PPP1R12B: variants seen among roughly 807,000 people sequenced by gnomAD.
PPP1R12B encodes the protein protein phosphatase 1 regulatory subunit 12B.
Under a neutral mutation model 126.1 loss-of-function variants are expected in PPP1R12B, and 76 were observed. The ratio of observed to expected loss-of-function variants is 0.60; its 90% CI spans 0.50 to 0.73. PPP1R12B has a LOEUF of 0.73. Ranked by LOEUF, PPP1R12B falls within the 30% of genes least tolerant of loss-of-function variation. The pLI is 0.00. For missense variants in PPP1R12B, 1,052 were observed against 1,205.1 expected (o/e 0.87, Z 1.88); for synonymous variants, 356 against 434.7 (o/e 0.82, Z 2.25).
intron 1 of PPP1R12B, among the ~76,000 whole-genome samples, chr1:202,356,914 C>T (rs1266341843): frequency 1.3e-5 from 2 of 151,834 alleles, no homozygotes; most frequent in Non-Finnish European, 1.5e-5. Flanking sequence ...CTCCGCTGCC[C>T]GGGATCAAGC....
rs1039606281 is a variant in PPP1R12B at position 202,580,913 on chromosome 1, C to G, written c.*353C>G. 5 of 241,786 alleles carry G rather than the reference C, an allele frequency of 2.1e-5. No homozygotes were observed. The highest frequency in any genetic ancestry group is 1.9e-4 in the Admixed American group (4 of 21,590). The allele number at this position is 241,786 out of a possible 1,614,324, so 15.0% of individuals were successfully genotyped here. A position where few individuals can be genotyped will look rare whatever the true frequency, so the allele number is the denominator to read the frequency against. On this transcript the variant is annotated 3_prime_UTR_variant, in exon 24 of 24. Transcript: ENST00000608999. ...TTGGATTTGGTCCAAACATGTAAGA[C>G]TTCTACCCTAATCAGTATCCTTCAG...
At chr1:202,371,024 G>C (rs1294514423) in intron 1 of PPP1R12B, among the ~76,000 whole-genome samples, 1 of 21,012 alleles carries the variant, frequency 4.8e-5, no homozygotes, top group Non-Finnish European at 1.0e-4. Flanking sequence ...TTTTTTTTTT[G>C]AGATAGAGTC....
At chr1:202,465,131 C>T (rs1378528062) in intron 13 of PPP1R12B, among the ~76,000 whole-genome samples, 1 of 152,162 alleles carries the variant, frequency 6.6e-6, no homozygotes, top group African/African-American at 2.4e-5. Context: ...ATATTCTTTT[C>T]TTAATTCACG....
At chr1:202,436,294 A>C (rs1368085534) in intron 9 of PPP1R12B, among the ~76,000 whole-genome samples, 3 of 151,742 alleles carry the variant, frequency 2.0e-5, no homozygotes, top group Non-Finnish European at 4.4e-5. Flanking sequence ...AACAACAACA[A>C]CACACACACA....
At chr1:202,407,454 T>C (rs1571867586) in intron 1 of PPP1R12B, among the ~76,000 whole-genome samples, 1 of 152,302 alleles carries the variant, frequency 6.6e-6, no homozygotes, top group Non-Finnish European at 1.5e-5. Flanking sequence ...CTCTCGGCTG[T>C]CTCTCTTGAA....
At chr1:202,520,359 G>A (rs978048902) in intron 18 of PPP1R12B, among the ~76,000 whole-genome samples, 57 of 152,140 alleles carry the variant, frequency 3.7e-4, no homozygotes, top group Admixed American at 5.2e-4. Flanking sequence ...GTGCAGGAGT[G>A]CAGGTTGGTA....
At chr1:202,349,326 A>G (rs907758882) in intron 1 of PPP1R12B, among the ~76,000 whole-genome samples, 184 bp downstream of exon 1, 2 of 152,094 alleles carry the variant, frequency 1.3e-5, no homozygotes, top group African/African-American at 4.8e-5. Context: ...TTCTGACCCC[A>G]GGGTCTTAGG....
chr1:202,537,850 A>C (rs886320087), intron 18 of PPP1R12B, among the ~76,000 whole-genome samples: 8 of 152,258 alleles, frequency 5.3e-5, no homozygotes, highest in Non-Finnish European at 5.9e-5. Flanking sequence ...GTTAGTATTT[A>C]GGTTTACATC....
intron 10 of PPP1R12B, chr1:202,438,559 G>T: frequency 2.3e-6 from 1 of 440,014 alleles, no homozygotes. Context: ...GCCCCCGGTG[G>T]AAGAGGCTGA....
chr1:202,484,199 CT>C (rs1333690462), intron 13 of PPP1R12B, among the ~76,000 whole-genome samples: 1 of 152,000 alleles, frequency 6.6e-6, no homozygotes, highest in Non-Finnish European at 1.5e-5. Context: ...CTTTCTTCCT[CT>C]TTTATTTACT....
intron 13 of PPP1R12B, among the ~76,000 whole-genome samples, chr1:202,452,242 C>T (rs1278617447): frequency 6.6e-6 from 1 of 152,182 alleles, no homozygotes; most frequent in Non-Finnish European, 1.5e-5. Flanking sequence ...CACGCCACTG[C>T]ACTCCAGCCT....
intron 23 of PPP1R12B, chr1:202,577,290 T>C (rs974720393): frequency 1.3e-5 from 2 of 152,196 alleles, no homozygotes; most frequent in Admixed American, 1.3e-4. Flanking sequence ...TTACGACATA[T>C]GAACACGAAC....
chr1:202,574,928 C>T (rs1688952106), intron 23 of PPP1R12B: 2 of 1,361,478 alleles, frequency 1.5e-6, no homozygotes, highest in East Asian at 2.4e-5. Context: ...CTTTGTCCTA[C>T]TTTTCTCTCC....
chr1:202,563,299 T>C (rs1405447278), intron 20 of PPP1R12B, among the ~76,000 whole-genome samples: 1 of 152,160 alleles, frequency 6.6e-6, no homozygotes, highest in African/African-American at 2.4e-5. Context: ...TTATTTTTTA[T>C]GGAGATTGGA....
intron 3 of PPP1R12B, among the ~76,000 whole-genome samples, chr1:202,425,176 T>C (rs985754940): frequency 6.6e-6 from 1 of 152,218 alleles, no homozygotes; most frequent in African/African-American, 2.4e-5. Flanking sequence ...TAAATGAAGA[T>C]TGTAATATCT....
At chr1:202,369,292 C>A (rs557005107) in intron 1 of PPP1R12B, among the ~76,000 whole-genome samples, 3 of 152,094 alleles carry the variant, frequency 2.0e-5, no homozygotes, top group Non-Finnish European at 4.4e-5. Flanking sequence ...TTGAACACTA[C>A]GAATTAAGTC....
At chr1:202,377,846 T>TTTG (rs1558150137) in intron 1 of PPP1R12B, among the ~76,000 whole-genome samples, 10 of 140,104 alleles carry the variant, frequency 7.1e-5, no homozygotes, top group African/African-American at 2.8e-4. Context: ...TTTTTTTTTT[T>TTTG]TTTTTTTTTT....
chr1:202,395,114 CAAAAAAAA>C (rs71142529), intron 1 of PPP1R12B, among the ~76,000 whole-genome samples: 18 of 97,916 alleles, frequency 1.8e-4, no homozygotes, highest in African/African-American at 6.8e-4. Context: ...GAGACTCTCT[CAAAAAAAA>C]AAAAAAAAAA....
rs913052172 is a variant in PPP1R12B at position 202,592,626 on chromosome 1, C to T, written c.*12066C>T. ...ATAATTAAATATACACGGATGGGGG[C>T]AGATGAGGCTCAAATGGCTTCAGAA... On this transcript the variant is annotated 3_prime_UTR_variant, in exon 24 of 24. Coordinates refer to ENST00000608999, the MANE Select transcript of PPP1R12B (RefSeq NM_002481.4). The T allele has an allele frequency of 2.0e-5, 3 of 152,124 alleles. No individual in the cohort carries two copies. The highest frequency in any genetic ancestry group is 4.4e-5 in the Non-Finnish European group (3 of 68,024). 9.4% of individuals were successfully genotyped at this position (152,124 alleles called of 1,614,324 possible).
Sources: gnomAD v4.1 joint callset for allele counts (sites outside exome capture counted in the v4.1 genomes callset) on GRCh38, gnomAD v4.1.1 for gene constraint, MANE v1.5 for transcripts, NCBI Gene and HGNC (gene_info 2026-07-23, HGNC 2026-07-21) for gene names.